HACE1: variants seen among roughly 807,000 people sequenced by gnomAD.
HACE1 encodes the protein HECT domain and ankyrin repeat containing E3 ubiquitin protein ligase 1.
A neutral mutation model predicts 118.4 loss-of-function variants in HACE1; 73 were observed. The observed-to-expected ratio is 0.62, with a 90% confidence interval of 0.51 to 0.75. The LOEUF (loss-of-function observed/expected upper bound fraction) is 0.75. Ranked by LOEUF, HACE1 falls within the 30% of genes least tolerant of loss-of-function variation. The probability of loss-of-function intolerance (pLI) is 0.00; values close to 1 mark genes in which losing one functional copy is unlikely to be tolerated. For synonymous variants in HACE1, 368 were observed against 374.8 expected, an observed-to-expected ratio of 0.98 and a Z score of 0.21; for missense variants, 749 against 1,102.2, an observed-to-expected ratio of 0.68 and a Z score of 4.54.
chr6:104,767,479 C>T (rs1175758405), intron 19 of HACE1, among the ~76,000 whole-genome samples: 3 of 152,158 alleles, frequency 2.0e-5, no homozygotes, highest in Non-Finnish European at 4.4e-5. Flanking sequence ...TCTAGTACCG[C>T]CCCATTTCAA....
rs149352421 is a variant in HACE1 at position 104,747,369 on chromosome 6, C to T, written c.2344-2759G>A. On this transcript the variant is annotated intron_variant, in intron 20 of 23. Transcript: ENST00000262903. ...GCCTTCTGTCTACAATGGATGACTA[C>T]ACCTCCAGTTCAGTACACTGGAGCT... is the stretch of plus-strand genomic sequence containing the variant. Among the ~76,000 whole-genome samples, 81 of 152,268 alleles carry T rather than the reference C, an allele frequency of 5.3e-4. 1 individual carries two copies. The East Asian group carries it at 8.5e-3, about 16-fold the overall frequency.
chr6:104,781,681 A>G (rs1297689943), intron 14 of HACE1, among the ~76,000 whole-genome samples: 1 of 152,078 alleles, frequency 6.6e-6, no homozygotes, highest in African/African-American at 2.4e-5. Flanking sequence ...TGGCCCCTGC[A>G]TCCCACTGAG....
chr6:104,841,011 C>G (rs1426647602), intron 5 of HACE1, among the ~76,000 whole-genome samples: 1 of 151,702 alleles, frequency 6.6e-6, no homozygotes, highest in Non-Finnish European at 1.5e-5. Context: ...TTCCCAGCTA[C>G]TCGGGAGGCT....
chr6:104,812,127 A>G (rs2114976018), intron 6 of HACE1, among the ~76,000 whole-genome samples: 1 of 152,288 alleles, frequency 6.6e-6, no homozygotes, highest in African/African-American at 2.4e-5. Flanking sequence ...CTTTAAAAAA[A>G]AAAACTTTCA....
At chr6:104,840,238 T>C (rs2115143888) in intron 5 of HACE1, among the ~76,000 whole-genome samples, 1 of 152,242 alleles carries the variant, frequency 6.6e-6, no homozygotes. Context: ...GAAAATAAAA[T>C]GTTATGCAAG....
intron 2 of HACE1, 62 bp downstream of exon 2, chr6:104,852,255 A>G (rs1776311555): frequency 2.2e-6 from 2 of 900,872 alleles, no homozygotes; most frequent in Non-Finnish European, 3.8e-6. Flanking sequence ...ACGGGCATGC[A>G]GTACACATTT....
At chr6:104,847,469 A>G (rs1480872745) in intron 4 of HACE1, among the ~76,000 whole-genome samples, 1 of 152,264 alleles carries the variant, frequency 6.6e-6, no homozygotes, top group Admixed American at 6.5e-5. Context: ...CTGTTTAATC[A>G]GCACATTGTT....
At chr6:104,792,532 G>A (rs1020626267) in intron 10 of HACE1, among the ~76,000 whole-genome samples, 1 of 152,170 alleles carries the variant, frequency 6.6e-6, no homozygotes, top group Non-Finnish European at 1.5e-5. Flanking sequence ...TCTAACATCA[G>A]TTATCTTGTA....
chr6:104,800,902 G>T (rs1193657780), intron 7 of HACE1, among the ~76,000 whole-genome samples: 1 of 152,082 alleles, frequency 6.6e-6, no homozygotes, highest in Non-Finnish European at 1.5e-5. Flanking sequence ...CAGAAGGCTG[G>T]TAATAACAAC....
At chr6:104,791,059 A>G (rs1363640583) in intron 11 of HACE1, among the ~76,000 whole-genome samples, 1 of 152,194 alleles carries the variant, frequency 6.6e-6, no homozygotes, top group Non-Finnish European at 1.5e-5. Context: ...ACTGTCAGCA[A>G]ACCCAGTAAA....
chr6:104,775,399 CA>C (rs1781128399), intron 17 of HACE1, among the ~76,000 whole-genome samples: 2 of 150,826 alleles, frequency 1.3e-5, no homozygotes, highest in South Asian at 4.2e-4. Flanking sequence ...AAAAAAAAAA[CA>C]AAAAACTTTA....
intron 10 of HACE1, among the ~76,000 whole-genome samples, chr6:104,792,840 A>C (rs940699488): frequency 2.0e-5 from 3 of 152,204 alleles, no homozygotes; most frequent in Non-Finnish European, 4.4e-5. Flanking sequence ...TCAATCAAGC[A>C]GCTGACCAAT....
intron 17 of HACE1, among the ~76,000 whole-genome samples, chr6:104,776,081 C>T (rs1210686153): frequency 2.0e-5 from 3 of 152,122 alleles, no homozygotes; most frequent in Admixed American, 6.5e-5. Flanking sequence ...CAGCAAATTA[C>T]GACTCTATAG....
At chr6:104,781,705 G>A (rs895182758) in intron 14 of HACE1, among the ~76,000 whole-genome samples, 2 of 151,874 alleles carry the variant, frequency 1.3e-5, no homozygotes, top group Non-Finnish European at 2.9e-5. Flanking sequence ...CCATCAGACA[G>A]CACTGATCAG....
chr6:104,735,857 A>G (rs573406804), intron 22 of HACE1, among the ~76,000 whole-genome samples: 12 of 152,282 alleles, frequency 7.9e-5, no homozygotes, highest in Non-Finnish European at 1.5e-4. Context: ...AAATAGGAAA[A>G]TTTAGCAATA....
At chr6:104,820,190 G>A (rs1205222696) in intron 6 of HACE1, among the ~76,000 whole-genome samples, 10 of 125,458 alleles carry the variant, frequency 8.0e-5, no homozygotes, top group African/African-American at 1.3e-4. Flanking sequence ...GTGAGACTCC[G>A]TCTCAAAAAA....
chr6:104,792,125 T>A (rs778465862), intron 10 of HACE1, among the ~76,000 whole-genome samples: 1 of 152,100 alleles, frequency 6.6e-6, no homozygotes, highest in African/African-American at 2.4e-5. Flanking sequence ...TAATCCCATA[T>A]CCCCTTCCCA....
intron 6 of HACE1, among the ~76,000 whole-genome samples, chr6:104,822,801 G>GA (rs892184077): frequency 1.4e-4 from 21 of 152,172 alleles, no homozygotes; most frequent in Admixed American, 4.6e-4. Flanking sequence ...AGGTTGCAGT[G>GA]AGCGGAGATC....
chr6:104,730,402 T>C lies in HACE1; in HGVS notation c.2528A>G (p.His843Arg), dbSNP rs1416256874. ...QFVTGSSRVP[H>R]GGFANIMGGS... Reference sequence around the variant, plus strand: ...ACCCATGATATTAGCAAACCCACCATGTGGGACCCTGGAACTAAGAGTTTA... The same window carrying C: ...ACCCATGATATTAGCAAACCCACCACGTGGGACCCTGGAACTAAGAGTTTA... The change falls in exon 23 of 24, where the codon CAT becomes CGT. Residue 843 changes from histidine to arginine, a missense_variant. By Grantham distance (29) the His-to-Arg change is conservative. Around this residue, in one of 5 missense-constraint regions of HACE1, gnomAD observed 165 missense variants for 229.9 expected, o/e 0.72. Transcript: ENST00000262903. The C allele has an allele frequency of 5.3e-6, 8 of 1,500,524 alleles. No individual in the cohort carries two copies. Among genetic ancestry groups the C allele is most frequent in the Non-Finnish European group, 7.4e-6 (8 of 1,076,262 alleles). 93.0% of individuals were successfully genotyped at this position (1,500,524 alleles called of 1,614,324 possible).
Sources: gnomAD v4.1 joint callset for allele counts (sites outside exome capture counted in the v4.1 genomes callset) on GRCh38, gnomAD v4.1.1 for gene constraint, gnomAD v4.1.1 regional missense constraint, MANE v1.5 for transcripts, NCBI Gene and HGNC (gene_info 2026-07-23, HGNC 2026-07-21) for gene names.